Variants in ASH1L observed in about 807,000 individuals in gnomAD.
The protein encoded by ASH1L is histone-lysine N-methyltransferase ASH1L.
In ASH1L, 23 loss-of-function variants were observed where a neutral mutation model predicts 269.0. The observed-to-expected ratio is 0.09, with a 90% CI of 0.06 to 0.12. ASH1L has a LOEUF of 0.12. ASH1L is among the 10% of genes least tolerant of loss of function. The pLI is 1.00. For missense variants in ASH1L, 2,912 were observed against 3,567.8 expected, an observed-to-expected ratio of 0.82 and a Z score of 4.68; for synonymous variants, 1,187 against 1,253.5, an observed-to-expected ratio of 0.95 and a Z score of 1.12.
At position 155,480,579 on chromosome 1, in the gene ASH1L, A is replaced by G. The variant is rs1665881974; in HGVS notation, c.2291T>C (p.Ile764Thr). The G allele has an allele frequency of 1.2e-6, 2 of 1,614,142 alleles. No individual in the cohort carries two copies. The highest frequency in any genetic ancestry group is 1.7e-6 in the Non-Finnish European group (2 of 1,180,000). Residue 764 changes from isoleucine to threonine, a missense_variant, in exon 3 of 28, where the codon ATT becomes ACT. Physicochemically the swap from Ile to Thr is moderately conservative, Grantham distance 89. Transcript: ENST00000392403. ...NSEPAKFMKN[I>T]GPPSFVDHDF... is the part of the protein sequence containing the mutation. ...ATGATCTACAAATGAAGGGGGTCCAATGTTTTTCATAAACTTGGCTGGCTC... is the reference window on the plus strand; with the variant it reads ...ATGATCTACAAATGAAGGGGGTCCAGTGTTTTTCATAAACTTGGCTGGCTC...
At chr1:155,342,438 G>C (rs900365678) in intron 24 of ASH1L, among the ~76,000 whole-genome samples, 3 of 152,226 alleles carry the variant, frequency 2.0e-5, no homozygotes, top group Non-Finnish European at 4.4e-5. Context: ...GCATAAATTT[G>C]AGGGAAGCAC....
chr1:155,493,367 T>C (rs1666937701), intron 2 of ASH1L, among the ~76,000 whole-genome samples: 1 of 152,236 alleles, frequency 6.6e-6, no homozygotes. Flanking sequence ...ATGTATTTAG[T>C]CAAGCTTTTT....
intron 1 of ASH1L, among the ~76,000 whole-genome samples, chr1:155,552,671 C>A (rs1571145093): frequency 1.3e-5 from 2 of 151,796 alleles, no homozygotes; most frequent in Middle Eastern, 6.8e-3. Context: ...AACACGAAAA[C>A]CTAGGCTAAA....
At chr1:155,457,507 G>A (rs534405376) in intron 4 of ASH1L, among the ~76,000 whole-genome samples, 206 of 152,244 alleles carry the variant, frequency 1.4e-3, no homozygotes, top group Non-Finnish European at 2.4e-3. Context: ...TGTCCCACTT[G>A]CCTACTTAAG....
intron 4 of ASH1L, among the ~76,000 whole-genome samples, chr1:155,441,748 G>A (rs950612297): frequency 3.3e-5 from 5 of 150,046 alleles, no homozygotes; most frequent in African/African-American, 1.2e-4. Context: ...TTACAGGTGT[G>A]AGCCACTGCG....
chr1:155,356,750 G>A (rs1317062699), intron 15 of ASH1L, among the ~76,000 whole-genome samples: 1 of 151,830 alleles, frequency 6.6e-6, no homozygotes, highest in Admixed American at 6.6e-5. Flanking sequence ...CTGAGTAGAT[G>A]GGTCTACAGG....
At chr1:155,446,006 C>T (rs1226612039) in intron 4 of ASH1L, among the ~76,000 whole-genome samples, 1 of 150,092 alleles carries the variant, frequency 6.7e-6, no homozygotes, top group African/African-American at 2.4e-5. Context: ...GCTAGGACTA[C>T]AGGCATGAAC....
intron 3 of ASH1L, among the ~76,000 whole-genome samples, 182 bp from the exon 4 acceptor site, chr1:155,460,080 T>G (rs986363493): frequency 6.6e-6 from 1 of 152,228 alleles, no homozygotes; most frequent in Non-Finnish European, 1.5e-5. Context: ...TATATGTTGT[T>G]GTCAGAATTT....
chr1:155,434,226 C>T lies in ASH1L; in HGVS notation c.5828+4101G>A, dbSNP rs370210759. On this transcript the variant is annotated intron_variant, in intron 5 of 27. Transcript: ENST00000392403. ...GAGGGGGAAGCCTTTCCCCCGTCTC[C>T]GTCACCACCCTGGGCTCTCCCATGC... is the stretch of plus-strand genomic sequence containing the variant. The T allele has an allele frequency of 4.8e-5, 77 of 1,600,654 alleles. No homozygotes were observed. The Middle Eastern group carries it at 1.9e-3, about 39-fold the overall frequency.
intron 1 of ASH1L, among the ~76,000 whole-genome samples, chr1:155,553,289 T>C (rs1671340784): frequency 6.6e-6 from 1 of 152,234 alleles, no homozygotes; most frequent in African/African-American, 2.4e-5. Flanking sequence ...TACATTCTAG[T>C]AAAAATTTTC....
intron 2 of ASH1L, among the ~76,000 whole-genome samples, chr1:155,495,394 T>C (rs1042524955): frequency 1.3e-5 from 2 of 152,162 alleles, no homozygotes; most frequent in African/African-American, 4.8e-5. Flanking sequence ...GCTACTAACC[T>C]GTACAGCGTG....
chr1:155,562,419 GGCGGGA>G lies in ASH1L; in HGVS notation c.-372_-367del. On this transcript the variant is annotated 5_prime_UTR_variant, in exon 1 of 28. Coordinates refer to ENST00000392403, the MANE Select transcript of ASH1L (RefSeq NM_018489.3). ...CTCCGCAAAGCGAACCCAAAATGGC[GGCGGGA>G]GCGGCGGCGGCGGCGGCGGCAGCAG... is the stretch of plus-strand genomic sequence containing the variant. The G allele has an allele frequency of 6.8e-7, 1 of 1,480,466 alleles. No homozygotes were observed. Among genetic ancestry groups the G allele is most frequent in the Non-Finnish European group, 9.2e-7 (1 of 1,091,856 alleles). The allele number at this position is 1,480,466 out of a possible 1,614,324, so 91.7% of individuals were successfully genotyped here.
At chr1:155,350,846 G>A (rs543212613) in intron 17 of ASH1L, among the ~76,000 whole-genome samples, 7 of 151,928 alleles carry the variant, frequency 4.6e-5, no homozygotes, top group East Asian at 3.9e-4. Context: ...GCTTGAAGCC[G>A]GGAGGCGGAG....
At chr1:155,373,106 G>C (rs529008735) in intron 10 of ASH1L, among the ~76,000 whole-genome samples, 3 of 151,818 alleles carry the variant, frequency 2.0e-5, no homozygotes, top group Non-Finnish European at 4.4e-5. Context: ...CCAGCTACTC[G>C]GGAGGCTGAG....
intron 7 of ASH1L, among the ~76,000 whole-genome samples, chr1:155,394,584 G>C (rs987272799): frequency 1.3e-5 from 2 of 152,070 alleles, no homozygotes; most frequent in Admixed American, 6.6e-5. Context: ...AAACACAACA[G>C]AACTTGAGAT....
intron 1 of ASH1L, among the ~76,000 whole-genome samples, chr1:155,545,725 T>C (rs1383760453): frequency 6.6e-6 from 1 of 152,054 alleles, no homozygotes; most frequent in East Asian, 1.9e-4. Flanking sequence ...AAAACTTATT[T>C]TAAAAAGATT....
chr1:155,466,231 G>A (rs187378606), intron 3 of ASH1L, among the ~76,000 whole-genome samples: 2 of 152,196 alleles, frequency 1.3e-5, no homozygotes, highest in Non-Finnish European at 2.9e-5. Flanking sequence ...GCGGGCACCT[G>A]TAGTCCCAGC....
intron 5 of ASH1L, among the ~76,000 whole-genome samples, chr1:155,418,152 C>T (rs1223209866): frequency 6.6e-5 from 10 of 151,998 alleles, no homozygotes; most frequent in Non-Finnish European, 1.5e-4. Flanking sequence ...TGCCAAAATG[C>T]AGGAAAATGT....
chr1:155,555,832 A>G (rs1160054609), intron 1 of ASH1L, among the ~76,000 whole-genome samples: 1 of 152,236 alleles, frequency 6.6e-6, no homozygotes, highest in Non-Finnish European at 1.5e-5. Context: ...AAAGTTATAT[A>G]AACCTAACTA....
Sources: allele counts gnomAD v4.1 joint callset (sites outside exome capture counted in the v4.1 genomes callset), GRCh38; gene constraint gnomAD v4.1.1; transcripts MANE v1.5; gene names NCBI Gene and HGNC (gene_info 2026-07-23, HGNC 2026-07-21).